Variants in RYR3 observed in about 807,000 individuals in gnomAD.
The protein encoded by RYR3 is brain ryanodine receptor-calcium release channel.
RYR3 carries 207 observed loss-of-function variants against 584.3 expected under a neutral mutation model. That is an observed-to-expected ratio of 0.35 (90% CI 0.32 to 0.40). The LOEUF (loss-of-function observed/expected upper bound fraction) is 0.40, where lower values mean the gene tolerates loss of function less well. Among genes scored for constraint, RYR3 ranks in the 10% least tolerant of loss-of-function variants. RYR3 has a pLI of 1.00. For missense variants in RYR3, 5,616 were observed against 6,089.2 expected, an observed-to-expected ratio of 0.92 and a Z score of 2.59; for synonymous variants, 2,416 against 2,248.5, an observed-to-expected ratio of 1.07 and a Z score of -2.11.
chr15:33,746,124 A>C lies in RYR3; in HGVS notation c.7956A>C (p.Pro2652=). The change falls in exon 53 of 104, where the codon CCA becomes CCC. Residue 2652 remains proline (P), a synonymous_variant. Coordinates refer to ENST00000634891, the MANE Select transcript of RYR3 (RefSeq NM_001036.6). The part of the protein sequence containing the change: ...ISLDENVKTH[P]LIRPFKTLTE... Reference sequence around the variant, plus strand: ...TGGATGAAAATGTGAAGACCCACCCACTGATAAGGCCTTTCAAGACATTAA... The same window carrying C: ...TGGATGAAAATGTGAAGACCCACCCCCTGATAAGGCCTTTCAAGACATTAA... 1 of 1,600,264 alleles carries C rather than the reference A, an allele frequency of 6.2e-7. No homozygotes were observed. The highest frequency in any genetic ancestry group is 1.1e-5 in the South Asian group (1 of 87,660).
intron 67 of RYR3, among the ~76,000 whole-genome samples, chr15:33,790,613 G>A (rs2075096477): frequency 6.6e-6 from 1 of 152,144 alleles, no homozygotes; most frequent in Non-Finnish European, 1.5e-5. Flanking sequence ...AAATTTAGTT[G>A]CCTATTCAAT....
chr15:33,488,734 T>C (rs936242650), intron 2 of RYR3, among the ~76,000 whole-genome samples: 19 of 151,994 alleles, frequency 1.3e-4, no homozygotes, highest in African/African-American at 4.3e-4. Flanking sequence ...TGCCTATAGT[T>C]CCAGCTATTC....
intron 42 of RYR3, among the ~76,000 whole-genome samples, chr15:33,703,789 C>T (rs2066474356): frequency 1.3e-5 from 2 of 152,090 alleles, no homozygotes; most frequent in South Asian, 4.1e-4. Context: ...TAAGTGAAAG[C>T]ATTTTTTTTT....
intron 3 of RYR3, among the ~76,000 whole-genome samples, chr15:33,526,138 G>T (rs1326354767): frequency 6.6e-6 from 1 of 152,198 alleles, no homozygotes. Flanking sequence ...TGTGTGGCTG[G>T]ACAGAAGCAT....
intron 12 of RYR3, among the ~76,000 whole-genome samples, chr15:33,568,604 A>G (rs963371259): frequency 8.6e-5 from 13 of 151,958 alleles, no homozygotes; most frequent in Non-Finnish European, 1.6e-4. Context: ...CTAATTTTTT[A>G]ATTTTTTGTA....
chr15:33,578,778 A>C (rs1489800638), intron 12 of RYR3, among the ~76,000 whole-genome samples: 18 of 46,062 alleles, frequency 3.9e-4, no homozygotes, highest in African/African-American at 1.5e-3. Flanking sequence ...AAAAAAAAAA[A>C]CAACAACAAA....
chr15:33,679,038 T>C (rs961059186), intron 38 of RYR3, among the ~76,000 whole-genome samples: 2 of 152,162 alleles, frequency 1.3e-5, no homozygotes, highest in African/African-American at 2.4e-5. Context: ...GATTTAACTT[T>C]TTCCCTGACC....
intron 31 of RYR3, among the ~76,000 whole-genome samples, chr15:33,650,904 T>C (rs181824539): frequency 6.6e-6 from 1 of 152,368 alleles, no homozygotes; most frequent in Non-Finnish European, 1.5e-5. Flanking sequence ...AGAGCCAAAA[T>C]AGATGCTATA....
intron 12 of RYR3, among the ~76,000 whole-genome samples, chr15:33,571,669 A>T (rs887145011): frequency 3.9e-5 from 6 of 152,124 alleles, no homozygotes; most frequent in African/African-American, 1.4e-4. Context: ...CAATCTTTGT[A>T]CTTTTAACTT....
chr15:33,647,362 G>C, intron 29 of RYR3, 62 bp from the exon 30 acceptor site: 1 of 1,363,932 alleles, frequency 7.3e-7, no homozygotes, highest in Non-Finnish European at 1.0e-6. Flanking sequence ...CAAGTTGCCT[G>C]TCGGAACTGT....
rs1322125803 is a variant in RYR3, at chr15:33,617,390, C to T, written c.2357+4015C>T. Among the ~76,000 whole-genome samples the T allele has an allele frequency of 4.0e-5, 6 of 150,424 alleles. No individual in the cohort carries two copies. The East Asian group carries it at 1.2e-3, about 30-fold the overall frequency. On this transcript the variant is annotated intron_variant, in intron 19 of 103. Coordinates refer to ENST00000634891, the MANE Select transcript of RYR3 (RefSeq NM_001036.6). The stretch of plus-strand genomic sequence containing the variant: ...TCACACCACTGCACTCCAGCCTGGG[C>T]GACAGAGTGAGACTCTGACTCAAAA...
chr15:33,864,598 G>C (rs1889799203), intron 103 of RYR3, among the ~76,000 whole-genome samples: 2 of 151,438 alleles, frequency 1.3e-5, no homozygotes, highest in South Asian at 4.1e-4. Context: ...GTGTGCATGT[G>C]AGAGGATGAG....
At chr15:33,465,765 G>C (rs2048434262) in intron 1 of RYR3, 1 of 519,016 alleles carries the variant, frequency 1.9e-6, no homozygotes, top group South Asian at 1.4e-5. Flanking sequence ...TGAAGAGGAT[G>C]CAAGATGGTA....
chr15:33,565,141 G>A (rs2057638502), intron 11 of RYR3, among the ~76,000 whole-genome samples: 1 of 152,000 alleles, frequency 6.6e-6, no homozygotes, highest in Non-Finnish European at 1.5e-5. Flanking sequence ...AGATCAGTAG[G>A]GTTCATAACA....
chr15:33,706,047 A>G (rs2066689033), intron 42 of RYR3, among the ~76,000 whole-genome samples: 1 of 152,220 alleles, frequency 6.6e-6, no homozygotes, highest in Non-Finnish European at 1.5e-5. Context: ...AATCACTTGG[A>G]AACAAAAAAT....
chr15:33,805,570 C>CG (rs1182970659), intron 69 of RYR3, among the ~76,000 whole-genome samples: 1 of 151,636 alleles, frequency 6.6e-6, no homozygotes, highest in East Asian at 1.9e-4. Context: ...CTCCGCCTCC[C>CG]TGGTTCACAC....
chr15:33,635,608 C>A lies in RYR3; in HGVS notation c.3176-6C>A. ...CACCCTCTGTTCGCCTTTCTTCTCA[C>A]AATAGCTGACTCGGCTGTGGAGAAG... is the stretch of plus-strand genomic sequence containing the variant. On this transcript the variant is annotated splice_region_variant and splice_polypyrimidine_tract_variant and intron_variant, in intron 25 of 103. Coordinates refer to ENST00000634891, the MANE Select transcript of RYR3 (RefSeq NM_001036.6). 6.2e-7 allele frequency: 1 copy of A among 1,611,986 alleles called. No individual in the cohort carries two copies. The highest frequency in any genetic ancestry group is 8.5e-7 in the Non-Finnish European group (1 of 1,178,648).
intron 38 of RYR3, among the ~76,000 whole-genome samples, chr15:33,694,407 GTTAATTTTTT>G (rs2065679489): frequency 8.5e-6 from 1 of 118,334 alleles, no homozygotes; most frequent in Non-Finnish European, 2.1e-5. Flanking sequence ...ATCACGCCCG[GTTAATTTTTT>G]GTATTTTTAG....
intron 102 of RYR3, among the ~76,000 whole-genome samples, chr15:33,863,828 ATTGTT>A (rs1159519406): frequency 6.6e-6 from 1 of 152,254 alleles, no homozygotes; most frequent in African/African-American, 2.4e-5. Flanking sequence ...CTACCATTTT[ATTGTT>A]TTATTAGAAT....
Sources: gnomAD v4.1 joint callset for allele counts (sites outside exome capture counted in the v4.1 genomes callset) on GRCh38, gnomAD v4.1.1 for gene constraint, MANE v1.5 for transcripts, NCBI Gene and HGNC (gene_info 2026-07-23, HGNC 2026-07-21) for gene names.